Variants in ANKS1A observed in about 807,000 individuals in gnomAD.
ANKS1A encodes ankyrin repeat and SAM domain-containing protein 1A.
A neutral mutation model predicts 120.3 loss-of-function variants in ANKS1A; 55 were observed. The ratio of observed to expected loss-of-function variants is 0.46; its 90% CI spans 0.37 to 0.57. ANKS1A has a LOEUF of 0.57. Ranked by LOEUF, ANKS1A falls within the 20% of genes least tolerant of loss-of-function variation. The pLI is 0.00. For missense variants in ANKS1A, 1,123 were observed against 1,480.3 expected, an observed-to-expected ratio of 0.76 and a Z score of 3.96; for synonymous variants, 590 against 604.7, an observed-to-expected ratio of 0.98 and a Z score of 0.36.
chr6:34,985,807 T>G (rs914582269), intron 8 of ANKS1A, among the ~76,000 whole-genome samples: 3 of 152,222 alleles, frequency 2.0e-5, no homozygotes, highest in African/African-American at 7.2e-5. Context: ...GCATTCCTAT[T>G]TTATCTAATT....
chr6:34,955,288 C>T (rs1054733186), intron 1 of ANKS1A, among the ~76,000 whole-genome samples: 1 of 151,940 alleles, frequency 6.6e-6, no homozygotes, highest in African/African-American at 2.4e-5. Context: ...AGGTGCCCAC[C>T]ACCACACCCA....
intron 11 of ANKS1A, among the ~76,000 whole-genome samples, chr6:35,026,999 G>T (rs1774660403): frequency 6.6e-6 from 1 of 152,174 alleles, no homozygotes; most frequent in Admixed American, 6.5e-5. Context: ...GATGTTGGGT[G>T]AGTTCTGGCA....
intron 10 of ANKS1A, among the ~76,000 whole-genome samples, chr6:35,012,543 C>G (rs1490828427): frequency 6.6e-6 from 1 of 152,184 alleles, no homozygotes; most frequent in African/African-American, 2.4e-5. Context: ...TTCTCTGGGC[C>G]TGAGGGGAGA....
chr6:34,933,739 G>T (rs188475905), intron 1 of ANKS1A, among the ~76,000 whole-genome samples: 1 of 152,216 alleles, frequency 6.6e-6, no homozygotes, highest in Non-Finnish European at 1.5e-5. Flanking sequence ...TAGCATACCA[G>T]TGTTCTAGTT....
intron 1 of ANKS1A, among the ~76,000 whole-genome samples, chr6:34,938,149 A>C (rs1050341216): frequency 1.3e-5 from 2 of 152,214 alleles, no homozygotes; most frequent in African/African-American, 2.4e-5. Flanking sequence ...CCTCTCATCC[A>C]TTTTAAAGCA....
intron 8 of ANKS1A, among the ~76,000 whole-genome samples, chr6:34,987,023 G>A (rs9348956): frequency 0.086 from 13,116 of 152,216 alleles, 737 homozygotes; most frequent in East Asian, 0.34. Flanking sequence ...GATTTACACA[G>A]GTCTCTTTGT....
intron 8 of ANKS1A, among the ~76,000 whole-genome samples, chr6:34,988,595 C>CA (rs972812677): frequency 1.3e-5 from 2 of 151,916 alleles, no homozygotes; most frequent in African/African-American, 4.8e-5. Context: ...GACTCTGCCT[C>CA]AAAAAAATTT....
At chr6:34,905,905 C>T (rs2127452483) in intron 1 of ANKS1A, among the ~76,000 whole-genome samples, 1 of 152,210 alleles carries the variant, frequency 6.6e-6, no homozygotes, top group South Asian at 2.1e-4. Flanking sequence ...TCAGTTTTAT[C>T]CTCTGGTCTC....
intron 13 of ANKS1A, among the ~76,000 whole-genome samples, chr6:35,074,169 G>C (rs899167582): frequency 2.6e-5 from 4 of 152,270 alleles, no homozygotes; most frequent in Non-Finnish European, 5.9e-5. Context: ...AGGTTTCTGA[G>C]TCAATGCTGG....
At position 34,889,547 on chromosome 6, in the gene ANKS1A, G is replaced by GGCA. The variant is rs756509763; in HGVS notation, c.147_148insAGC (p.Gly49_Gly50insSer). On this transcript the variant is annotated inframe_insertion, in exon 1 of 24. Transcript: ENST00000360359. The surrounding 1 kb of genome is among the most constrained non-coding windows in gnomAD (Gnocchi z 5.5). ...TGGGGGCGGCGGCGGCGGCAGCGGC[G>GGCA]GCGGCGGCGGCGGCCTCGGCTCTTC... The GGCA allele has an allele frequency of 1.0e-4, 125 of 1,231,116 alleles. No homozygotes were observed. The highest frequency in any genetic ancestry group is 6.4e-4 in the Middle Eastern group (2 of 3,122). The allele number at this position is 1,231,116 out of a possible 1,614,324, so 76.3% of individuals were successfully genotyped here. A position where few individuals can be genotyped will look rare whatever the true frequency, so the allele number is the denominator to read the frequency against.
At chr6:34,960,003 G>A (rs974558805) in intron 1 of ANKS1A, among the ~76,000 whole-genome samples, 7 of 151,920 alleles carry the variant, frequency 4.6e-5, no homozygotes, top group African/African-American at 4.8e-5. Context: ...GGTGTTCAGC[G>A]GATGCCTGTG....
At chr6:34,926,576 G>A (rs1050750599) in intron 1 of ANKS1A, among the ~76,000 whole-genome samples, 1 of 152,202 alleles carries the variant, frequency 6.6e-6, no homozygotes, top group East Asian at 1.9e-4. Flanking sequence ...TGCAAAGTAT[G>A]CAGACAAAGA....
intron 10 of ANKS1A, 24 bp from the exon 11 acceptor site, chr6:35,017,447 TTC>T (rs1774080982): frequency 6.4e-7 from 1 of 1,553,416 alleles, no homozygotes; most frequent in South Asian, 1.2e-5. Flanking sequence ...AATTTTTTAT[TTC>T]TCTGTCTCTC....
chr6:34,997,360 C>G (rs1772910647), intron 10 of ANKS1A, among the ~76,000 whole-genome samples: 1 of 151,974 alleles, frequency 6.6e-6, no homozygotes, highest in Non-Finnish European at 1.5e-5. Context: ...CCATGCCTGG[C>G]TAATTATTGA....
At chr6:35,092,486 C>G (rs960728806), downstream of ANKS1A, among the ~76,000 whole-genome samples, 3 of 152,210 alleles carry the variant, frequency 2.0e-5, no homozygotes, top group Admixed American at 6.5e-5. Flanking sequence ...TTGTAACTCC[C>G]AACTAGGGCT....
intron 1 of ANKS1A, among the ~76,000 whole-genome samples, chr6:34,964,492 C>T (rs1235923587): frequency 1.3e-5 from 2 of 152,160 alleles, no homozygotes; most frequent in Admixed American, 1.3e-4. Flanking sequence ...CTTCTTTCGT[C>T]GCTTTCTTAT....
At chr6:34,980,248 T>A (rs1446953051) in intron 3 of ANKS1A, among the ~76,000 whole-genome samples, 1 of 152,272 alleles carries the variant, frequency 6.6e-6, no homozygotes. Context: ...CTCCTTGAGT[T>A]GTGTTTGAGC....
chr6:34,928,049 T>G (rs1169874709), intron 1 of ANKS1A, among the ~76,000 whole-genome samples: 1 of 152,184 alleles, frequency 6.6e-6, no homozygotes, highest in Non-Finnish European at 1.5e-5. Flanking sequence ...GGCTTCTTAG[T>G]GGCTACTATT....
At chr6:35,013,349 C>T (rs1408740607) in intron 10 of ANKS1A, among the ~76,000 whole-genome samples, 1 of 152,056 alleles carries the variant, frequency 6.6e-6, no homozygotes, top group Non-Finnish European at 1.5e-5. Context: ...GGCTGGAGTG[C>T]AGTGGCATGA....
Sources: gnomAD v4.1 joint callset for allele counts (sites outside exome capture counted in the v4.1 genomes callset) on GRCh38, gnomAD v4.1.1 for gene constraint, Gnocchi (gnomAD v3.1) non-coding constraint, MANE v1.5 for transcripts, NCBI Gene and HGNC (gene_info 2026-07-23, HGNC 2026-07-21) for gene names.